The following N4BP1 variants were observed in gnomAD, a reference collection of about 807,000 sequenced individuals.
N4BP1 encodes the protein NEDD4 binding protein 1, also known as NEDD4-binding protein 1.
A neutral mutation model predicts 70.9 loss-of-function variants in N4BP1; 21 were observed. The ratio of observed to expected loss-of-function variants is 0.30; its 90% confidence interval spans 0.21 to 0.43. The LOEUF is 0.43. Ranked by LOEUF, N4BP1 falls within the 20% of genes least tolerant of loss-of-function variation. N4BP1 has a pLI of 1.00. For synonymous variants in N4BP1, 387 were observed against 394.6 expected (o/e 0.98, Z 0.23); for missense variants, 936 against 1,069.4 (o/e 0.88, Z 1.74).
At chr16:48,594,784 AAT>A in intron 1 of N4BP1, among the ~76,000 whole-genome samples, 1 of 152,358 alleles carries the variant, frequency 6.6e-6, no homozygotes, top group Admixed American at 6.5e-5. Flanking sequence ...CTATAATTCT[AAT>A]ATGCCTCACT....
Position 48,561,785 on chromosome 16 carries a change from TCTC to T in N4BP1, c.855_857del (p.Arg286del). On this transcript the variant is annotated inframe_deletion, in exon 2 of 7. Transcript: ENST00000262384. The stretch of plus-strand genomic sequence containing the variant: ...TATGCCTTTCTTCAGAATCAGAAAA[TCTC>T]CTTTTCTGACAAATTCTCTCATTGG... 2 of 1,613,188 alleles carry T rather than the reference TCTC, an allele frequency of 1.2e-6. No homozygotes were observed. Among genetic ancestry groups the T allele is most frequent in the Non-Finnish European group, 8.5e-7 (1 of 1,179,840 alleles).
Position 48,542,711 on chromosome 16 carries a change from C to T in N4BP1, c.*193G>A. On this transcript the variant is annotated 3_prime_UTR_variant, in exon 7 of 7. Coordinates refer to ENST00000262384, the MANE Select transcript of N4BP1 (RefSeq NM_153029.4). ...ACAGAAAATGTTAAATCTGTAATAG[C>T]AGCATAATTTATATATAGAAAAAAG... 4.3e-6 allele frequency: 2 copies of T among 463,114 alleles called. No individual in the cohort carries two copies. Among genetic ancestry groups the T allele is most frequent in the African/African-American group, 2.0e-5 (1 of 50,576 alleles). 28.7% of individuals were successfully genotyped at this position (463,114 alleles called of 1,614,324 possible). A position where few individuals can be genotyped will look rare whatever the true frequency, so the allele number is the denominator to read the frequency against.
intron 1 of N4BP1, among the ~76,000 whole-genome samples, chr16:48,583,909 C>T (rs1964207918): frequency 1.3e-5 from 2 of 152,212 alleles, no homozygotes; most frequent in African/African-American, 4.8e-5. Context: ...TAAACCCAAG[C>T]ATGTCTCATT....
chr16:48,560,913 G>C lies in N4BP1; in HGVS notation c.1730C>G (p.Ala577Gly). The change falls in exon 2 of 7, where the codon GCA becomes GGA. Residue 577 changes from alanine (A) to glycine (G), a missense_variant. Coordinates refer to ENST00000262384, the MANE Select transcript of N4BP1 (RefSeq NM_153029.4). ...LPQLLPSVTD[A>G]RSAGPSDHID... Reference sequence around the variant, plus strand: ...ATGATCAGAAGGTCCTGCCGACCTTGCATCAGTAACCGAAGGTAACAGCTG... The same window carrying C: ...ATGATCAGAAGGTCCTGCCGACCTTCCATCAGTAACCGAAGGTAACAGCTG... 6.2e-7 allele frequency: 1 copy of C among 1,614,002 alleles called. No homozygotes were observed. Among genetic ancestry groups the C allele is most frequent in the East Asian group, 2.2e-5 (1 of 44,890 alleles).
intron 1 of N4BP1, among the ~76,000 whole-genome samples, chr16:48,596,568 C>T (rs901463723): frequency 6.6e-6 from 1 of 152,156 alleles, no homozygotes; most frequent in African/African-American, 2.4e-5. Flanking sequence ...CTGAAACCAC[C>T]TTTGCAAAAA....
intron 1 of N4BP1, among the ~76,000 whole-genome samples, chr16:48,581,592 C>T (rs1286692507): frequency 6.6e-6 from 1 of 152,078 alleles, no homozygotes; most frequent in Non-Finnish European, 1.5e-5. Context: ...TGTTTCTAAA[C>T]TAACAGTGAA....
At chr16:48,597,134 A>T (rs1266485072) in intron 1 of N4BP1, among the ~76,000 whole-genome samples, 2 of 152,204 alleles carry the variant, frequency 1.3e-5, no homozygotes, top group Non-Finnish European at 1.5e-5. Flanking sequence ...GAATATGGGG[A>T]AATTGATTTG....
chr16:48,607,669 G>C (rs1484437774), intron 1 of N4BP1, among the ~76,000 whole-genome samples: 3 of 152,208 alleles, frequency 2.0e-5, no homozygotes, highest in African/African-American at 7.2e-5. Flanking sequence ...GCACGTAAGA[G>C]ATTTTCAGAA....
In N4BP1 at chr16:48,609,898, G is replaced by A. The variant is rs1307349412; in HGVS notation, c.75C>T (p.Gly25=). ...EKAELLEQSR[G]RIEGLFGVSL... ...TCACGCCAAACAGGCCCTCGATACGGCCGCGGCTCTGCTCCAGCAGCTCCG... is the reference window on the plus strand; with the variant it reads ...TCACGCCAAACAGGCCCTCGATACGACCGCGGCTCTGCTCCAGCAGCTCCG... Residue 25 remains glycine (G), a synonymous_variant, in exon 1 of 7, where the codon GGC becomes GGT. Coordinates refer to ENST00000262384, the MANE Select transcript of N4BP1 (RefSeq NM_153029.4). The A allele has an allele frequency of 3.4e-6, 5 of 1,473,602 alleles. No individual in the cohort carries two copies. The highest frequency in any genetic ancestry group is 1.3e-5 in the South Asian group (1 of 79,012). The allele number at this position is 1,473,602 out of a possible 1,614,324, so 91.3% of individuals were successfully genotyped here. A position where few individuals can be genotyped will look rare whatever the true frequency, so the allele number is the denominator to read the frequency against.
At chr16:48,545,623 CTCCTG>C (rs948194236) in intron 6 of N4BP1, among the ~76,000 whole-genome samples, 22 of 152,020 alleles carry the variant, frequency 1.4e-4, no homozygotes, top group African/African-American at 5.1e-4. Flanking sequence ...AAAAGTTTGG[CTCCTG>C]TCTTTTCCTA....
intron 4 of N4BP1, among the ~76,000 whole-genome samples, chr16:48,548,535 CT>C (rs1180778875): frequency 2.0e-5 from 3 of 152,148 alleles, no homozygotes; most frequent in Non-Finnish European, 4.4e-5. Flanking sequence ...CCTTACAATT[CT>C]TTTTCCTTTT....
rs548856988 is a variant in N4BP1, at chr16:48,602,998, G to A, written c.198+6777C>T. On this transcript the variant is annotated intron_variant, in intron 1 of 6. Coordinates refer to ENST00000262384, the MANE Select transcript of N4BP1 (RefSeq NM_153029.4). ...CCCTATCTCACACACACACACGCAC[G>A]CACACGCATAGAAAAATTCATGAAA... 2.8e-4 allele frequency among the ~76,000 whole-genome samples: 43 copies of A among 151,642 alleles called. No homozygotes were observed. The South Asian group carries it at 7.1e-3, about 25-fold the overall frequency.
intron 6 of N4BP1, 134 bp downstream of exon 6, chr16:48,546,013 G>A: frequency 1.8e-6 from 1 of 541,482 alleles, no homozygotes. Context: ...CGGTGACAGA[G>A]GAAGACCTTG....
intron 1 of N4BP1, among the ~76,000 whole-genome samples, chr16:48,596,081 A>G (rs1216471577): frequency 6.6e-6 from 1 of 152,272 alleles, no homozygotes. Flanking sequence ...AGTATAATAA[A>G]GTTTATTTTG....
intron 1 of N4BP1, among the ~76,000 whole-genome samples, chr16:48,588,848 G>T (rs1377474334): frequency 6.6e-6 from 1 of 151,892 alleles, no homozygotes; most frequent in East Asian, 1.9e-4. Flanking sequence ...AACCCCTGAG[G>T]TAAAAATAGT....
In N4BP1 at chr16:48,560,994, C is replaced by T; in HGVS notation, c.1649G>A (p.Ser550Asn). ...GCAATTTGGCTTAGAATGAGGAGAA[C>T]TACAACATCCTAAACGTTTTTCACA... is the stretch of plus-strand genomic sequence containing the variant. ...SACEKRLGCC[S>N]SPHSKPNCST... Residue 550 changes from serine (S) to asparagine (N), a missense_variant, in exon 2 of 7, where the codon AGT (serine) becomes AAT (asparagine). Physicochemically the swap from Ser to Asn is conservative, Grantham distance 46. Coordinates refer to ENST00000262384, the MANE Select transcript of N4BP1 (RefSeq NM_153029.4). 1 of 1,613,992 alleles carries T rather than the reference C, an allele frequency of 6.2e-7. No individual in the cohort carries two copies. Among genetic ancestry groups the T allele is most frequent in the Non-Finnish European group, 8.5e-7 (1 of 1,179,880 alleles).
intron 1 of N4BP1, among the ~76,000 whole-genome samples, chr16:48,593,004 TAA>T (rs955015661): frequency 6.6e-6 from 1 of 152,234 alleles, no homozygotes; most frequent in Non-Finnish European, 1.5e-5. Flanking sequence ...ATAGATGGTC[TAA>T]GTCATGAAAG....
chr16:48,553,562 G>T lies in N4BP1; in HGVS notation c.1997C>A (p.Thr666Lys). The change falls in exon 3 of 7, where the codon ACA becomes AAA. Residue 666 changes from threonine (T) to lysine (K), a missense_variant. Transcript: ENST00000262384. ...ACCTGTGACATTAGGATCACGCCTT[G>T]TTCTCCACTGAGGGACAAATACAGT... ...NITVFVPQWR[T>K]RRDPNVTEQH... is the part of the protein sequence containing the mutation. The T allele has an allele frequency of 6.3e-7, 1 of 1,589,342 alleles. No homozygotes were observed. The highest frequency in any genetic ancestry group is 8.5e-7 in the Non-Finnish European group (1 of 1,169,846).
intron 1 of N4BP1, among the ~76,000 whole-genome samples, chr16:48,564,968 C>A (rs918214146): frequency 4.6e-5 from 7 of 152,140 alleles, no homozygotes; most frequent in Admixed American, 1.3e-4. Flanking sequence ...TATGTGTCCA[C>A]TGTTAGTATA....
Sources: gnomAD v4.1 joint callset for allele counts (sites outside exome capture counted in the v4.1 genomes callset) on GRCh38, gnomAD v4.1.1 for gene constraint, MANE v1.5 for transcripts, NCBI Gene and HGNC (gene_info 2026-07-23, HGNC 2026-07-21) for gene names.